Variants in STRBP observed in about 807,000 individuals in gnomAD.
STRBP encodes the protein spermatid perinuclear RNA binding protein.
In STRBP, 13 loss-of-function variants were observed where a neutral mutation model predicts 80.1. The ratio of observed to expected loss-of-function variants is 0.16; its 90% CI spans 0.11 to 0.26. The LOEUF (loss-of-function observed/expected upper bound fraction) is 0.26. Ranked by LOEUF, STRBP falls within the 10% of genes least tolerant of loss-of-function variation. The pLI is 1.00. For synonymous variants in STRBP, 284 were observed against 291.2 expected (o/e 0.98, Z 0.25); for missense variants, 485 against 815.2 (o/e 0.59, Z 4.93).
intron 4 of STRBP, among the ~76,000 whole-genome samples, chr9:123,174,602 A>G (rs72753296): frequency 0.017 from 2,609 of 152,318 alleles, 30 homozygotes; most frequent in Middle Eastern, 0.041. Flanking sequence ...TAAAATGACT[A>G]TTGGCTAGAT....
intron 17 of STRBP, among the ~76,000 whole-genome samples, chr9:123,130,697 C>T (rs1009652239): frequency 6.6e-6 from 1 of 152,170 alleles, no homozygotes; most frequent in African/African-American, 2.4e-5. Flanking sequence ...GTGAGACACA[C>T]AGAAGACTGT....
At chr9:123,168,663 G>GA (rs2037874860) in intron 6 of STRBP, among the ~76,000 whole-genome samples, 1 of 152,228 alleles carries the variant, frequency 6.6e-6, no homozygotes, top group Non-Finnish European at 1.5e-5. Flanking sequence ...GTCTGGTGAT[G>GA]AAAAATAGCA....
intron 5 of STRBP, 108 bp downstream of exon 5, chr9:123,173,569 T>C: frequency 8.3e-7 from 1 of 1,200,946 alleles, no homozygotes; most frequent in Middle Eastern, 2.4e-4. Context: ...ATTTTGTCTG[T>C]GTCTATCCTA....
At chr9:123,148,819 G>C (rs2036931436) in intron 11 of STRBP, among the ~76,000 whole-genome samples, 1 of 152,092 alleles carries the variant, frequency 6.6e-6, no homozygotes, top group Admixed American at 6.5e-5. Context: ...GCTCTTTGAA[G>C]GTCAAAGATA....
chr9:123,118,438 A>T (rs997804681), downstream of STRBP, among the ~76,000 whole-genome samples: 9 of 152,236 alleles, frequency 5.9e-5, no homozygotes, highest in African/African-American at 2.2e-4. Flanking sequence ...GCCCACCAGC[A>T]GGGTGGCACA....
At chr9:123,169,756 A>T (rs2037927763) in intron 6 of STRBP, 146 bp downstream of exon 6, 18 of 424,394 alleles carry the variant, frequency 4.2e-5, no homozygotes, top group Non-Finnish European at 5.4e-5. Context: ...AAAGCCATTT[A>T]AAATACTATT....
Position 123,160,964 on chromosome 9 carries a change from A to G in STRBP, c.627+13T>C, listed in dbSNP as rs768243403. 8.2e-6 allele frequency: 13 copies of G among 1,577,056 alleles called. No individual in the cohort carries two copies. The highest frequency in any genetic ancestry group is 8.5e-7 in the Non-Finnish European group (1 of 1,170,138). ...AAACTTTAATAACAATAAGATAGTA[A>G]GAAAAAGCCAACCTGAAACCATTTG... is the stretch of plus-strand genomic sequence containing the variant. On this transcript the variant is annotated intron_variant, in intron 7 of 18. Transcript: ENST00000348403.
chr9:123,242,676 A>G lies in STRBP; in HGVS notation c.-301-5710T>C, dbSNP rs1330261258. 4.6e-5 allele frequency among the ~76,000 whole-genome samples: 7 copies of G among 152,110 alleles called. No homozygotes were observed. In the East Asian group the frequency reaches 1.3e-3, roughly 29 times the overall value. ...CCCTGTCTCAAATAAATAAATAAAC[A>G]GAATTGAAATGAAATTGCTTCCACT... On this transcript the variant is annotated intron_variant, in intron 1 of 18. Coordinates refer to ENST00000348403, the MANE Select transcript of STRBP (RefSeq NM_018387.5).
intron 18 of STRBP, among the ~76,000 whole-genome samples, chr9:123,127,248 A>G (rs1274953773): frequency 2.6e-5 from 4 of 152,234 alleles, no homozygotes; most frequent in African/African-American, 4.8e-5. Context: ...TTTTCATCCA[A>G]ACAAAAATGG....
At chr9:123,239,937 T>A (rs1339826571) in intron 1 of STRBP, among the ~76,000 whole-genome samples, 1 of 152,142 alleles carries the variant, frequency 6.6e-6, no homozygotes, top group Non-Finnish European at 1.5e-5. Flanking sequence ...GAATACAGGC[T>A]CAAAGAAGTC....
At chr9:123,208,589 A>G (rs1378442479) in intron 2 of STRBP, among the ~76,000 whole-genome samples, 1 of 152,234 alleles carries the variant, frequency 6.6e-6, no homozygotes, top group Non-Finnish European at 1.5e-5. Context: ...GTATAAAAGC[A>G]TCCATAAACA....
In STRBP at chr9:123,123,189, T is replaced by G. The variant is rs2035787458; in HGVS notation, c.*2408A>C. The G allele has an allele frequency of 1.2e-5, 12 of 985,348 alleles. No homozygotes were observed. The highest frequency in any genetic ancestry group is 1.3e-5 in the Non-Finnish European group (11 of 829,922). The allele number at this position is 985,348 out of a possible 1,614,324, so 61.0% of individuals were successfully genotyped here. ...TGGTGCGACGCTCAGAGGCTGGCAA[T>G]AGGGGCTGTCAATGAAAAAACCACC... On this transcript the variant is annotated 3_prime_UTR_variant, in exon 19 of 19. Coordinates refer to ENST00000348403, the MANE Select transcript of STRBP (RefSeq NM_018387.5).
At chr9:123,193,865 G>A (rs1392198147) in intron 2 of STRBP, among the ~76,000 whole-genome samples, 2 of 151,954 alleles carry the variant, frequency 1.3e-5, no homozygotes, top group Non-Finnish European at 2.9e-5. Context: ...CATTAACCAT[G>A]TACCATTAAA....
chr9:123,205,512 A>G (rs1392107865), intron 2 of STRBP, among the ~76,000 whole-genome samples: 1 of 152,252 alleles, frequency 6.6e-6, no homozygotes, highest in Non-Finnish European at 1.5e-5. Context: ...AGAATCTGCA[A>G]TCCAGTTATA....
chr9:123,267,142 CA>C (rs2041286060), intron 1 of STRBP, among the ~76,000 whole-genome samples: 4 of 119,514 alleles, frequency 3.3e-5, no homozygotes, highest in African/African-American at 2.5e-4. Flanking sequence ...CTCCACCTCA[CA>C]CACTCCACGC....
At chr9:123,131,205 C>A (rs912822511) in intron 17 of STRBP, among the ~76,000 whole-genome samples, 3 of 152,158 alleles carry the variant, frequency 2.0e-5, no homozygotes, top group Non-Finnish European at 4.4e-5. Flanking sequence ...CCTATCCCTA[C>A]CTCCTGTTCT....
rs570054663 is a variant in STRBP at position 123,265,038 on chromosome 9, C to G, written c.-302+3398G>C. Among the ~76,000 whole-genome samples the G allele has an allele frequency of 3.3e-5, 5 of 152,182 alleles. No homozygotes were observed. In the East Asian group the frequency reaches 9.6e-4, roughly 29 times the overall value. ...CCTATATTATATTGTATACATATAT[C>G]AAATCTCAAAATACTCAGAGTTTCA... On this transcript the variant is annotated intron_variant, in intron 1 of 18. Coordinates refer to ENST00000348403, the MANE Select transcript of STRBP (RefSeq NM_018387.5).
chr9:123,164,556 T>C (rs2037671185), intron 6 of STRBP, among the ~76,000 whole-genome samples: 1 of 152,170 alleles, frequency 6.6e-6, no homozygotes, highest in African/African-American at 2.4e-5. Context: ...AAGCTAGCTA[T>C]CTGTCCCTGT....
At chr9:123,134,746 G>A (rs2036285599) in intron 16 of STRBP, among the ~76,000 whole-genome samples, 2 of 152,020 alleles carry the variant, frequency 1.3e-5, no homozygotes, top group Non-Finnish European at 1.5e-5. Context: ...TTGCACATGG[G>A]CTTTTTAAAC....
Sources: allele counts gnomAD v4.1 joint callset (sites outside exome capture counted in the v4.1 genomes callset), GRCh38; gene constraint gnomAD v4.1.1; transcripts MANE v1.5; gene names NCBI Gene and HGNC (gene_info 2026-07-23, HGNC 2026-07-21).